ITSN1: variants seen among roughly 807,000 people sequenced by gnomAD.
The protein encoded by ITSN1 is intersectin-1.
ITSN1 carries 58 observed loss-of-function variants against 239.8 expected under a neutral mutation model. That is an observed-to-expected ratio of 0.24 (90% CI 0.20 to 0.30). ITSN1 has a LOEUF of 0.30. Among genes scored for constraint, ITSN1 ranks in the 10% least tolerant of loss-of-function variants. The probability of loss-of-function intolerance (pLI) is 1.00; values close to 1 mark genes in which losing one functional copy is unlikely to be tolerated. For missense variants in ITSN1, 1,558 were observed against 2,103.3 expected, an observed-to-expected ratio of 0.74 and a Z score of 5.07; for synonymous variants, 780 against 770.8, an observed-to-expected ratio of 1.01 and a Z score of -0.20.
At chr21:33,845,797 A>C (rs1264145195) in intron 29 of ITSN1, among the ~76,000 whole-genome samples, 1 of 152,076 alleles carries the variant, frequency 6.6e-6, no homozygotes, top group East Asian at 1.9e-4. Context: ...TGTTGCCCCC[A>C]TGGCTTTCCA....
At chr21:33,713,759 C>G (rs2092483161) in intron 1 of ITSN1, among the ~76,000 whole-genome samples, 1 of 151,590 alleles carries the variant, frequency 6.6e-6, no homozygotes, top group African/African-American at 2.4e-5. Context: ...CCAAGGAGAA[C>G]CTCGCTGTGA....
chr21:33,685,097 C>T (rs2070323991), intron 1 of ITSN1, among the ~76,000 whole-genome samples: 1 of 152,178 alleles, frequency 6.6e-6, no homozygotes, highest in Non-Finnish European at 1.5e-5. Context: ...AAATTCTAGA[C>T]ATCACTTCCT....
intron 1 of ITSN1, among the ~76,000 whole-genome samples, chr21:33,656,742 A>T (rs1199812106): frequency 2.6e-5 from 4 of 151,466 alleles, no homozygotes; most frequent in African/African-American, 4.9e-5. Context: ...GCAGAGTCTC[A>T]CTCTATCGCC....
At chr21:33,781,896 C>A in intron 15 of ITSN1, 98 bp from the exon 16 acceptor site, 1 of 1,214,082 alleles carries the variant, frequency 8.2e-7, no homozygotes, top group Non-Finnish European at 1.1e-6. Context: ...ATTTTTTAAC[C>A]AGCAAGAATT....
At position 33,818,443 on chromosome 21, in the gene ITSN1, C is replaced by A. The variant is rs1407917949; in HGVS notation, c.2904C>A (p.Leu968=). The change falls in exon 23 of 40, where the codon CTC becomes CTA. Residue 968 remains leucine (L), a synonymous_variant. Transcript: ENST00000381318. ...KGWFPKSYVK[L]ISGPIRKSTS... is the part of the protein sequence containing the mutation. The stretch of plus-strand genomic sequence containing the variant: ...GGTTCCCCAAGTCTTACGTGAAACT[C>A]ATTTCAGGGCCCATAAGGAAGTCTA... 6.2e-7 allele frequency: 1 copy of A among 1,614,008 alleles called. No individual in the cohort carries two copies. Among genetic ancestry groups the A allele is most frequent in the Non-Finnish European group, 8.5e-7 (1 of 1,179,976 alleles).
intron 5 of ITSN1, among the ~76,000 whole-genome samples, chr21:33,739,688 G>C (rs996749871): frequency 1.3e-5 from 2 of 152,198 alleles, no homozygotes; most frequent in African/African-American, 2.4e-5. Flanking sequence ...GAAGACCTAG[G>C]GGAGAGGCCT....
chr21:33,838,106 T>C, intron 29 of ITSN1: 1 of 985,722 alleles, frequency 1.0e-6, no homozygotes, highest in Non-Finnish European at 1.2e-6. Context: ...GGTCCGTTTG[T>C]GTGTTAGATA....
chr21:33,661,350 A>G (rs1194297698), intron 1 of ITSN1, among the ~76,000 whole-genome samples: 3 of 152,218 alleles, frequency 2.0e-5, no homozygotes, highest in African/African-American at 4.8e-5. Flanking sequence ...TAGTCATACA[A>G]GCATTAAGCA....
chr21:33,760,048 G>A (rs1488547946), intron 8 of ITSN1, among the ~76,000 whole-genome samples: 2 of 151,816 alleles, frequency 1.3e-5, no homozygotes. Context: ...GTTGCAGGGA[G>A]CCAAGATGGC....
rs142744479 is a variant in ITSN1 at position 33,678,992 on chromosome 21, G to A, written c.-33+36279G>A. ...TGGTTCTTGATTTTTTAACCTGAAG[G>A]CATAAGCATGAAAATAGCATAATGA... On this transcript the variant is annotated intron_variant, in intron 1 of 39. Coordinates refer to ENST00000381318, the MANE Select transcript of ITSN1 (RefSeq NM_003024.3). Among the ~76,000 whole-genome samples the A allele has an allele frequency of 3.9e-4, 59 of 152,252 alleles. 1 individual carries two copies. The East Asian group carries it at 0.01, about 27-fold the overall frequency.
Position 33,665,463 on chromosome 21 carries a change from A to AT in ITSN1, c.-33+22759dup, listed in dbSNP as rs1027940930. On this transcript the variant is annotated intron_variant, in intron 1 of 39. Transcript: ENST00000381318. ...CTTTACAACCATTAGTATGGCTATC[A>AT]TTTTTTTTTAAAAAGGAAAATAACA... 3.9e-4 allele frequency among the ~76,000 whole-genome samples: 59 copies of AT among 151,750 alleles called. No individual in the cohort carries two copies. In the East Asian group the frequency reaches 7.3e-3, roughly 19 times the overall value.
intron 1 of ITSN1, among the ~76,000 whole-genome samples, chr21:33,660,641 C>T (rs2089479154): frequency 6.6e-6 from 1 of 152,156 alleles, no homozygotes; most frequent in African/African-American, 2.4e-5. Context: ...TGAAGAAAAT[C>T]TGGCCTTATA....
At chr21:33,664,405 G>T (rs1485778244) in intron 1 of ITSN1, among the ~76,000 whole-genome samples, 1 of 152,168 alleles carries the variant, frequency 6.6e-6, no homozygotes, top group Non-Finnish European at 1.5e-5. Flanking sequence ...GTTGTTAACA[G>T]CCAGCTCATG....
chr21:33,778,448 G>A (rs1375087165), intron 14 of ITSN1, among the ~76,000 whole-genome samples: 1 of 151,784 alleles, frequency 6.6e-6, no homozygotes, highest in Non-Finnish European at 1.5e-5. Context: ...AATTCATTAT[G>A]CAGATATAGG....
At chr21:33,868,497 C>T (rs993571560) in intron 33 of ITSN1, among the ~76,000 whole-genome samples, 42 of 152,350 alleles carry the variant, frequency 2.8e-4, no homozygotes, top group African/African-American at 8.9e-4. Context: ...AGAAATCGAG[C>T]GCAGCGCCGG....
chr21:33,819,752 G>T (rs2148276827), intron 24 of ITSN1, among the ~76,000 whole-genome samples: 1 of 152,212 alleles, frequency 6.6e-6, no homozygotes, highest in African/African-American at 2.4e-5. Flanking sequence ...GGAGGCCGAG[G>T]CGGGTGGATC....
At chr21:33,656,158 A>T (rs2089053141) in intron 1 of ITSN1, among the ~76,000 whole-genome samples, 3 of 152,136 alleles carry the variant, frequency 2.0e-5, no homozygotes, top group African/African-American at 7.2e-5. Flanking sequence ...CATATGACCA[A>T]GGGAAACGTG....
rs2071687767 is a variant in ITSN1, at chr21:33,797,942, G to T, written c.2182+334G>T. 6.6e-6 allele frequency among the ~76,000 whole-genome samples: 1 copy of T among 152,188 alleles called. No individual in the cohort carries two copies. The highest frequency in any genetic ancestry group is 1.5e-5 in the Non-Finnish European group (1 of 68,030). On this transcript the variant is annotated intron_variant, in intron 18 of 39. Transcript: ENST00000381318. The surrounding 1 kb of genome is among the most constrained non-coding windows in gnomAD (Gnocchi z 4.9). ...TTATTTCCCTCCCTGGAATTTCTGA[G>T]CTGTTTCTGCAACAGAAAGTGGCAC...
rs780612842 is a variant in ITSN1, at chr21:33,823,448, A to G, written c.3017-39A>G. 3.9e-5 allele frequency: 61 copies of G among 1,581,964 alleles called. 1 individual carries two copies. Among genetic ancestry groups the G allele is most frequent in the African/African-American group, 2.7e-5 (2 of 73,932 alleles). On this transcript the variant is annotated intron_variant, in intron 24 of 39. Transcript: ENST00000381318. ...AAGCTGTCTGGGATTTCTTTAAACA[A>G]TCAAGCTCTCTCCGTATCTCAATAT...
Sources: allele counts gnomAD v4.1 joint callset (sites outside exome capture counted in the v4.1 genomes callset), GRCh38; gene constraint gnomAD v4.1.1; non-coding constraint Gnocchi (gnomAD v3.1); transcripts MANE v1.5; gene names NCBI Gene and HGNC (gene_info 2026-07-23, HGNC 2026-07-21).